Variants in CDH18 observed in about 807,000 individuals in gnomAD.
CDH18 encodes cadherin-18.
Under a neutral mutation model 67.9 loss-of-function variants are expected in CDH18, and 31 were observed. That is an observed-to-expected ratio of 0.46 (90% CI 0.34 to 0.62). CDH18 has a LOEUF of 0.62. CDH18 is among the 20% of genes least tolerant of loss of function. CDH18 has a pLI of 0.01. For missense variants in CDH18, 890 were observed against 975.5 expected (o/e 0.91, Z 1.17); for synonymous variants, 362 against 347.2 (o/e 1.04, Z -0.48).
At chr5:20,466,190 T>A (rs938677412) in intron 1 of CDH18, among the ~76,000 whole-genome samples, 13 of 152,092 alleles carry the variant, frequency 8.5e-5, no homozygotes, top group Non-Finnish European at 1.6e-4. Flanking sequence ...CATTTAAAAA[T>A]CTTCTAAATT....
chr5:19,716,164 T>A (rs1424427286), intron 5 of CDH18, among the ~76,000 whole-genome samples: 6 of 152,030 alleles, frequency 3.9e-5, no homozygotes, highest in Admixed American at 3.9e-4. Context: ...GAGTCCTATA[T>A]TTTTCCAAGG....
intron 1 of CDH18, among the ~76,000 whole-genome samples, chr5:20,389,696 A>C (rs1353374377): frequency 1.3e-5 from 2 of 152,170 alleles, no homozygotes; most frequent in Non-Finnish European, 2.9e-5. Flanking sequence ...CCTAAGCCAA[A>C]AGAACAAAGC....
At chr5:19,807,057 A>G (rs573535191) in intron 3 of CDH18, among the ~76,000 whole-genome samples, 54 of 152,340 alleles carry the variant, frequency 3.5e-4, no homozygotes, top group Admixed American at 5.9e-4. Context: ...TGGTGTGTGT[A>G]TCTAAATATA....
intron 1 of CDH18, among the ~76,000 whole-genome samples, chr5:20,398,149 A>G (rs1470238298): frequency 6.6e-6 from 1 of 152,186 alleles, no homozygotes; most frequent in Non-Finnish European, 1.5e-5. Flanking sequence ...TAAATAAAAT[A>G]CACTCCTAAA....
chr5:20,396,611 T>C (rs1745303270), intron 1 of CDH18, among the ~76,000 whole-genome samples: 1 of 151,132 alleles, frequency 6.6e-6, no homozygotes, highest in Non-Finnish European at 1.5e-5. Context: ...ATCGGGCAAA[T>C]AATTTTATTC....
chr5:20,124,048 C>G (rs1163303311), intron 2 of CDH18, among the ~76,000 whole-genome samples: 3 of 151,968 alleles, frequency 2.0e-5, no homozygotes, highest in Non-Finnish European at 2.9e-5. Flanking sequence ...TGTAAGGATA[C>G]AAATCATAGT....
At chr5:19,853,724 T>C (rs1783962562) in intron 2 of CDH18, among the ~76,000 whole-genome samples, 1 of 152,042 alleles carries the variant, frequency 6.6e-6, no homozygotes, top group African/African-American at 2.4e-5. Context: ...GCTGCAAACC[T>C]TTCTGGACCT....
intron 5 of CDH18, among the ~76,000 whole-genome samples, chr5:19,719,681 TTA>T (rs1380868969): frequency 1.3e-5 from 2 of 151,928 alleles, no homozygotes; most frequent in Non-Finnish European, 2.9e-5. Context: ...TTAAGTTGCA[TTA>T]TGTTATTTAT....
At chr5:19,887,597 T>A (rs1561509097) in intron 2 of CDH18, among the ~76,000 whole-genome samples, 2 of 151,938 alleles carry the variant, frequency 1.3e-5, no homozygotes, top group Non-Finnish European at 1.5e-5. Context: ...AGAGACAGTG[T>A]CTAACTCTGT....
chr5:19,979,576 A>T (rs1798838051), intron 2 of CDH18, among the ~76,000 whole-genome samples: 1 of 152,160 alleles, frequency 6.6e-6, no homozygotes, highest in Non-Finnish European at 1.5e-5. Flanking sequence ...TGAGGTTGAC[A>T]GGAAACAACA....
intron 2 of CDH18, among the ~76,000 whole-genome samples, chr5:20,234,233 C>A (rs576080466): frequency 6.6e-6 from 1 of 152,180 alleles, no homozygotes; most frequent in South Asian, 2.1e-4. Flanking sequence ...CCCATAGATA[C>A]CTGGGCTAAA....
intron 1 of CDH18, among the ~76,000 whole-genome samples, chr5:20,488,794 G>A (rs1430070718): frequency 2.6e-5 from 4 of 151,260 alleles, no homozygotes; most frequent in Non-Finnish European, 5.9e-5. Flanking sequence ...CCACATTTAT[G>A]TAAACCTAAG....
Position 19,715,581 on chromosome 5 carries a change from T to G in CDH18, c.643+5766A>C, listed in dbSNP as rs184064322. ...CAGATTATCATTCACAATTTTCCAA[T>G]GGTATATTTCTCTTATTTATCATGT... On this transcript the variant is annotated intron_variant, in intron 5 of 12. Transcript: ENST00000382275. 1.9e-3 allele frequency among the ~76,000 whole-genome samples: 289 copies of G among 152,264 alleles called. 1 individual carries two copies. The highest frequency in any genetic ancestry group is 0.01 in the Middle Eastern group (3 of 294).
chr5:19,992,833 A>C (rs1478797003), upstream of CDH18, among the ~76,000 whole-genome samples: 2 of 152,092 alleles, frequency 1.3e-5, no homozygotes, highest in Non-Finnish European at 2.9e-5. Context: ...GGAGAATTTT[A>C]AGTACAATTT....
chr5:19,479,817 G>A (rs549381740), intron 12 of CDH18, among the ~76,000 whole-genome samples: 1 of 151,992 alleles, frequency 6.6e-6, no homozygotes, highest in African/African-American at 2.4e-5. Flanking sequence ...CAGCATATTT[G>A]AGTTTCAACT....
At chr5:19,989,324 G>T (rs9790945), upstream of CDH18, among the ~76,000 whole-genome samples, 1 of 152,160 alleles carries the variant, frequency 6.6e-6, no homozygotes, top group African/African-American at 2.4e-5. Flanking sequence ...AACTACAAAT[G>T]CCCAGGTTCA....
At chr5:20,125,297 T>TGC (rs1322789726) in intron 2 of CDH18, among the ~76,000 whole-genome samples, 1 of 151,612 alleles carries the variant, frequency 6.6e-6, no homozygotes. Context: ...TGTGTGTGTG[T>TGC]GTGTATATGT....
At chr5:19,824,486 C>T (rs58159524) in intron 3 of CDH18, among the ~76,000 whole-genome samples, 2,358 of 152,288 alleles carry the variant, frequency 0.015, 61 homozygotes, top group African/African-American at 0.054. Flanking sequence ...CCAAGTTCCC[C>T]ATGCCTTCCC....
At chr5:20,342,165 C>T (rs894392972) in intron 1 of CDH18, among the ~76,000 whole-genome samples, 2 of 152,096 alleles carry the variant, frequency 1.3e-5, no homozygotes, top group Admixed American at 6.5e-5. Flanking sequence ...CAGCCTCACC[C>T]GGTGTCTACT....
Sources: allele counts gnomAD v4.1 joint callset (sites outside exome capture counted in the v4.1 genomes callset), GRCh38; gene constraint gnomAD v4.1.1; transcripts MANE v1.5; gene names NCBI Gene and HGNC (gene_info 2026-07-23, HGNC 2026-07-21).